The following EPG5 variants were observed in gnomAD, a reference collection of about 807,000 sequenced individuals.
EPG5 encodes ectopic P-granules 5 autophagy tethering factor.
A neutral mutation model predicts 302.7 loss-of-function variants in EPG5; 159 were observed. That is an observed-to-expected ratio of 0.53 (90% CI 0.46 to 0.60). The LOEUF (loss-of-function observed/expected upper bound fraction) is 0.60, where lower values mean the gene tolerates loss of function less well. Ranked by LOEUF, EPG5 falls within the 20% of genes least tolerant of loss-of-function variation. The pLI, the probability that EPG5 is intolerant of heterozygous loss-of-function variation, is 0.00. For missense variants in EPG5, 2,896 were observed against 3,092.4 expected, an observed-to-expected ratio of 0.94 and a Z score of 1.51; for synonymous variants, 1,158 against 1,136.8, an observed-to-expected ratio of 1.02 and a Z score of -0.37.
chr18:45,836,854 T>A, the EPG5 span, among the ~76,000 whole-genome samples: 1 of 152,174 alleles, frequency 6.6e-6, no homozygotes, highest in Non-Finnish European at 1.5e-5. Flanking sequence ...AGTGCTGGTG[T>A]CCTCGGAGAA....
chr18:45,910,490 A>G, intron 23 of EPG5, 31 bp downstream of exon 23: 1 of 1,527,272 alleles, frequency 6.5e-7, no homozygotes, highest in Non-Finnish European at 8.9e-7. Context: ...GCTGCAAACA[A>G]CAATGTAGGT....
chr18:45,912,092 G>C (rs1599555624), intron 22 of EPG5, among the ~76,000 whole-genome samples, 198 bp downstream of exon 22: 1 of 152,274 alleles, frequency 6.6e-6, no homozygotes, highest in Non-Finnish European at 1.5e-5. Context: ...ATGGTAAAGA[G>C]AAGCTGCCAC....
intron 35 of EPG5, among the ~76,000 whole-genome samples, chr18:45,875,874 G>A (rs914186543): frequency 2.0e-5 from 3 of 152,224 alleles, no homozygotes; most frequent in South Asian, 4.1e-4. Flanking sequence ...GGGCAACATG[G>A]TGAAACCCCG....
chr18:45,860,231 G>C lies in EPG5; in HGVS notation c.6882C>G (p.Thr2294=), dbSNP rs543932630. 15 of 1,614,244 alleles carry C rather than the reference G, an allele frequency of 9.3e-6. No individual in the cohort carries two copies. The highest frequency in any genetic ancestry group is 1.3e-5 in the Non-Finnish European group (15 of 1,180,044). Residue 2294 remains threonine (T), a synonymous_variant, in exon 40 of 44, where the codon ACC becomes ACG. Transcript: ENST00000282041. The part of the protein sequence containing the change: ...TAEFLRGSIR[T]WIGQKMHGLV... ...GCCCATGCATTTTTTGGCCAATCCA[G>C]GTCCGGATACTGCCCCGAAGGAACT...
intron 27 of EPG5, among the ~76,000 whole-genome samples, chr18:45,894,558 A>G (rs2049427049): frequency 2.0e-5 from 3 of 152,194 alleles, no homozygotes; most frequent in African/African-American, 7.2e-5. Flanking sequence ...CTGCAACAGC[A>G]TTTAGGCACA....
chr18:45,835,085 A>T, the EPG5 span, among the ~76,000 whole-genome samples: 1 of 152,200 alleles, frequency 6.6e-6, no homozygotes. Flanking sequence ...CCAGAAAAAA[A>T]AAAGGAGATT....
the EPG5 span, among the ~76,000 whole-genome samples, chr18:45,822,085 A>C: frequency 6.6e-6 from 1 of 152,228 alleles, no homozygotes; most frequent in Non-Finnish European, 1.5e-5. Context: ...GTATATGAAA[A>C]AGACATCTTC....
chr18:45,813,568 A>G, the EPG5 span, among the ~76,000 whole-genome samples: 1 of 152,230 alleles, frequency 6.6e-6, no homozygotes, highest in Non-Finnish European at 1.5e-5. Flanking sequence ...CATATACACC[A>G]TGGAATACTA....
chr18:45,811,524 A>C, the EPG5 span, among the ~76,000 whole-genome samples: 2,647 of 152,310 alleles, frequency 0.017, 81 homozygotes, highest in African/African-American at 0.06. Context: ...TCAATAAAAT[A>C]CTGGCAAACC....
In EPG5 at chr18:45,867,715, A is replaced by G; in HGVS notation, c.6259T>C (p.Phe2087Leu). The change falls in exon 37 of 44, where the codon TTT becomes CTT. Residue 2087 changes from phenylalanine to leucine, a missense_variant. Physicochemically the swap from Phe to Leu is conservative, Grantham distance 22 (BLOSUM62 0). Transcript: ENST00000282041. The stretch of plus-strand genomic sequence containing the variant: ...ACTTCACAGAGTACAGACCCCAAAA[A>G]TAAGAAACAGCTCTTGGGGCTTCCT... ...ERGSPKSCFL[F>L]LGSVLCEVNW... is the part of the protein sequence containing the mutation. 1 of 1,608,464 alleles carries G rather than the reference A, an allele frequency of 6.2e-7. No individual in the cohort carries two copies.
chr18:45,803,757 C>T, the EPG5 span, among the ~76,000 whole-genome samples: 2 of 152,078 alleles, frequency 1.3e-5, no homozygotes, highest in Non-Finnish European at 2.9e-5. Context: ...TGAGGGGCCA[C>T]TCAGAAAAAA....
Position 45,876,244 on chromosome 18 carries a change from C to T in EPG5, c.6041G>A (p.Ser2014Asn). The T allele has an allele frequency of 6.2e-7, 1 of 1,611,404 alleles. No homozygotes were observed. ...GCCTGACATCTTCCTACCTTTAAAACTCTCATGCAGTGAGTCAATACAGTC... is the reference window on the plus strand; with the variant it reads ...GCCTGACATCTTCCTACCTTTAAAATTCTCATGCAGTGAGTCAATACAGTC... ...FTDCIDSLHE[S>N]FKDKLLPGDA... The change falls in exon 35 of 44, where the codon AGT becomes AAT. Residue 2014 changes from serine to asparagine, a missense_variant. Physicochemically the swap from Ser to Asn is conservative, Grantham distance 46. Coordinates refer to ENST00000282041, the MANE Select transcript of EPG5 (RefSeq NM_020964.3).
chr18:45,824,581 G>A, the EPG5 span, among the ~76,000 whole-genome samples: 2 of 152,168 alleles, frequency 1.3e-5, no homozygotes, highest in East Asian at 1.9e-4. Flanking sequence ...TTCAAAAGTC[G>A]CTGTGCTTGC....
intron 39 of EPG5, among the ~76,000 whole-genome samples, chr18:45,862,176 A>T (rs1211798041): frequency 6.6e-6 from 1 of 151,890 alleles, no homozygotes; most frequent in Non-Finnish European, 1.5e-5. Context: ...CCAACAAACC[A>T]TTTCTATTAT....
chr18:45,886,732 C>T (rs1023952146), intron 29 of EPG5, among the ~76,000 whole-genome samples: 4 of 152,146 alleles, frequency 2.6e-5, no homozygotes, highest in African/African-American at 4.8e-5. Flanking sequence ...GATTTCCGCT[C>T]ACCGCAACCT....
intron 43 of EPG5, 59 bp from the exon 44 acceptor site, chr18:45,852,708 G>C: frequency 7.0e-7 from 1 of 1,430,208 alleles, no homozygotes; most frequent in Non-Finnish European, 9.7e-7. Flanking sequence ...GTGACTGCCA[G>C]AGGTACAGCA....
intron 29 of EPG5, among the ~76,000 whole-genome samples, chr18:45,886,607 A>C (rs1282352778): frequency 6.6e-5 from 10 of 152,320 alleles, no homozygotes; most frequent in Admixed American, 5.2e-4. Context: ...GATTATAAGA[A>C]AGTTTTCTTC....
the EPG5 span, among the ~76,000 whole-genome samples, chr18:45,829,473 G>A: frequency 3.9e-5 from 6 of 152,290 alleles, no homozygotes; most frequent in South Asian, 1.2e-3. Flanking sequence ...CAAACCAAGG[G>A]GCAGGAGGGG....
chr18:45,801,541 T>C, the EPG5 span, among the ~76,000 whole-genome samples: 1 of 152,192 alleles, frequency 6.6e-6, no homozygotes, highest in Admixed American at 6.5e-5. Flanking sequence ...GAGAAGGTAG[T>C]GCCAGGGAAG....
Sources: allele counts gnomAD v4.1 joint callset (sites outside exome capture counted in the v4.1 genomes callset), GRCh38; gene constraint gnomAD v4.1.1; transcripts MANE v1.5; gene names NCBI Gene and HGNC (gene_info 2026-07-23, HGNC 2026-07-21).